The following NCKAP5 variants were observed in gnomAD, a reference collection of about 807,000 sequenced individuals.
NCKAP5 encodes the protein nck-associated protein 5.
A neutral mutation model predicts 167.0 loss-of-function variants in NCKAP5; 92 were observed. The ratio of observed to expected loss-of-function variants is 0.55; its 90% CI spans 0.47 to 0.66. NCKAP5 has a LOEUF of 0.66. NCKAP5 is among the 30% of genes least tolerant of loss of function. The pLI, the probability that NCKAP5 is intolerant of heterozygous loss-of-function variation, is 0.00. For missense variants in NCKAP5, 2,378 were observed against 2,315.0 expected (o/e 1.03, Z -0.56); for synonymous variants, 891 against 877.4 (o/e 1.02, Z -0.27).
chr2:133,633,462 G>T, the NCKAP5 span, among the ~76,000 whole-genome samples: 2 of 152,172 alleles, frequency 1.3e-5, no homozygotes, highest in African/African-American at 2.4e-5. Context: ...AGAGTGTCTC[G>T]GAAGAGTCAA....
the NCKAP5 span, among the ~76,000 whole-genome samples, chr2:133,668,545 T>C: frequency 1.3e-5 from 2 of 152,016 alleles, no homozygotes; most frequent in Non-Finnish European, 2.9e-5. Context: ...ACTAATAATG[T>C]TGAGCATATT....
At position 132,783,096 on chromosome 2, in the gene NCKAP5, C is replaced by T; in HGVS notation, c.3715G>A (p.Gly1239Arg). 6.2e-7 allele frequency: 1 copy of T among 1,613,800 alleles called. No individual in the cohort carries two copies. The change falls in exon 14 of 20, where the codon GGG becomes AGG. Residue 1239 changes from glycine (G) to arginine (R), a missense_variant. Around this residue, in one of 3 missense-constraint regions of NCKAP5, gnomAD observed 1,325 missense variants for 1,274.5 expected, o/e 1.04. Transcript: ENST00000409261. Reference sequence around the variant, plus strand: ...TCTACCCCATCCCTTCCATCACTCCCAGGGATGCTACTTTCCAATGGCTCT... The same window carrying T: ...TCTACCCCATCCCTTCCATCACTCCTAGGGATGCTACTTTCCAATGGCTCT... ...LQEPLESSIP[G>R]SDGRDGVDNR...
Position 133,507,476 on chromosome 2 carries a change from G to A in NCKAP5, c.69+9982C>T, listed in dbSNP as rs894481457. ...AACCTCAGGGGCATATTCGGAAATG[G>A]ACAATTATGATCCATTAAGCCTGGT... On this transcript the variant is annotated intron_variant, in intron 3 of 19. Coordinates refer to ENST00000409261, the MANE Select transcript of NCKAP5 (RefSeq NM_207363.3). 5.9e-4 allele frequency among the ~76,000 whole-genome samples: 90 copies of A among 152,224 alleles called. 1 individual carries two copies. The highest frequency in any genetic ancestry group is 1.9e-3 in the African/African-American group (80 of 41,456).
At chr2:133,192,074 T>C (rs2085250004) in intron 5 of NCKAP5, among the ~76,000 whole-genome samples, 2 of 152,076 alleles carry the variant, frequency 1.3e-5, no homozygotes, top group South Asian at 4.1e-4. Flanking sequence ...TAATCATGAC[T>C]GTGTGTTATC....
chr2:132,933,824 T>C (rs1168457191), intron 8 of NCKAP5, among the ~76,000 whole-genome samples: 1 of 152,214 alleles, frequency 6.6e-6, no homozygotes, highest in Non-Finnish European at 1.5e-5. Flanking sequence ...AAATGTATTT[T>C]CAGAAAAGAA....
At chr2:133,114,516 C>T (rs1217134568) in intron 6 of NCKAP5, among the ~76,000 whole-genome samples, 1 of 152,136 alleles carries the variant, frequency 6.6e-6, no homozygotes, top group Non-Finnish European at 1.5e-5. Flanking sequence ...CACCTAAAAA[C>T]ATGAACTATA....
intron 2 of NCKAP5, 76 bp downstream of exon 2, chr2:133,558,974 G>A (rs1365586419): frequency 6.6e-6 from 1 of 151,940 alleles, no homozygotes; most frequent in Non-Finnish European, 1.5e-5. Flanking sequence ...CGTCCTCAAT[G>A]ATAAGAGCCA....
chr2:132,706,050 A>G (rs1373368756), intron 19 of NCKAP5, among the ~76,000 whole-genome samples: 4 of 152,180 alleles, frequency 2.6e-5, no homozygotes, highest in Non-Finnish European at 5.9e-5. Context: ...CAACATACAT[A>G]TATATACACA....
rs569875483 is a variant in NCKAP5 at position 132,724,078 on chromosome 2, T to C, written c.5713+1549A>G. Among the ~76,000 whole-genome samples, 5 of 152,264 alleles carry C rather than the reference T, an allele frequency of 3.3e-5. No homozygotes were observed. In the South Asian group the frequency reaches 6.2e-4, roughly 19 times the overall value. ...CTTGCTCTGCCTCAAGTCTACCACA[T>C]TGGCCATTCCCTCTACTGGGAGTGC... On this transcript the variant is annotated intron_variant, in intron 19 of 19. Coordinates refer to ENST00000409261, the MANE Select transcript of NCKAP5 (RefSeq NM_207363.3).
intron 3 of NCKAP5, among the ~76,000 whole-genome samples, chr2:133,334,491 T>C (rs1252689817): frequency 1.3e-5 from 2 of 152,084 alleles, no homozygotes; most frequent in Non-Finnish European, 2.9e-5. Flanking sequence ...ATCACGAGAG[T>C]TGAATATGTT....
the NCKAP5 span, among the ~76,000 whole-genome samples, chr2:133,577,083 C>T: frequency 6.6e-6 from 1 of 152,156 alleles, no homozygotes; most frequent in Non-Finnish European, 1.5e-5. Flanking sequence ...CCTTCCCACC[C>T]CCAACATCAA....
intron 8 of NCKAP5, chr2:132,954,715 A>T (rs1378193670): frequency 2.2e-6 from 1 of 451,798 alleles, no homozygotes; most frequent in Non-Finnish European, 4.4e-6. Flanking sequence ...AATAACAAAA[A>T]GACTAGAAAT....
At chr2:132,796,816 A>C (rs1684645507) in intron 11 of NCKAP5, 87 bp from the exon 12 acceptor site, 1 of 914,174 alleles carries the variant, frequency 1.1e-6, no homozygotes, top group Admixed American at 2.2e-5. Flanking sequence ...ATCTCAAAAG[A>C]CTTGACATTT....
intron 6 of NCKAP5, among the ~76,000 whole-genome samples, chr2:133,119,996 T>C (rs2082201549): frequency 6.6e-6 from 1 of 152,114 alleles, no homozygotes; most frequent in Non-Finnish European, 1.5e-5. Flanking sequence ...TCTGTAACCA[T>C]GGGGATATCA....
chr2:133,116,474 C>T (rs1351618884), intron 6 of NCKAP5, among the ~76,000 whole-genome samples: 1 of 62,580 alleles, frequency 1.6e-5, no homozygotes, highest in Non-Finnish European at 2.5e-5. Flanking sequence ...GGCGACAGAG[C>T]GAGACTCCGT....
the NCKAP5 span, among the ~76,000 whole-genome samples, chr2:133,664,257 T>C: frequency 6.6e-6 from 1 of 152,184 alleles, no homozygotes; most frequent in African/African-American, 2.4e-5. Flanking sequence ...TTCATTATTT[T>C]ATTTCTAGAG....
In NCKAP5 at chr2:132,728,958, T is replaced by C. The variant is rs371712609; in HGVS notation, c.5444-6A>G. The C allele has an allele frequency of 3.8e-5, 61 of 1,613,942 alleles. No individual in the cohort carries two copies. In the Middle Eastern group the frequency reaches 2.1e-3, roughly 57 times the overall value. ...CTTTTGGGAACTGACTTTTCCTAAA[T>C]GAGGACACGTATGTGGAATCACATA... On this transcript the variant is annotated splice_region_variant and splice_polypyrimidine_tract_variant and intron_variant, in intron 17 of 19. Coordinates refer to ENST00000409261, the MANE Select transcript of NCKAP5 (RefSeq NM_207363.3).
chr2:132,691,816 T>C (rs541795342), intron 19 of NCKAP5, among the ~76,000 whole-genome samples: 1 of 152,206 alleles, frequency 6.6e-6, no homozygotes, highest in Admixed American at 6.5e-5. Context: ...TGCAATAAAC[T>C]TCTCCCCGCC....
At chr2:133,341,129 A>C (rs1683551023) in intron 3 of NCKAP5, among the ~76,000 whole-genome samples, 1 of 152,158 alleles carries the variant, frequency 6.6e-6, no homozygotes, top group Non-Finnish European at 1.5e-5. Context: ...ATTCCTTGTT[A>C]TCTCCTACAA....
Sources: gnomAD v4.1 joint callset for allele counts (sites outside exome capture counted in the v4.1 genomes callset) on GRCh38, gnomAD v4.1.1 for gene constraint, gnomAD v4.1.1 regional missense constraint, MANE v1.5 for transcripts, NCBI Gene and HGNC (gene_info 2026-07-23, HGNC 2026-07-21) for gene names.